Variants in WFDC9 observed in about 807,000 individuals in gnomAD.
The protein encoded by WFDC9 is protein WFDC9.
WFDC9 carries 9 observed loss-of-function variants against 9.5 expected under a neutral mutation model. That is an observed-to-expected ratio of 0.95 (90% CI 0.57 to 1.65). The LOEUF (loss-of-function observed/expected upper bound fraction) is 1.65, where lower values mean the gene tolerates loss of function less well. WFDC9 is among the 40% of genes most tolerant of loss of function. The pLI is 0.00. For missense variants in WFDC9, 87 were observed against 106.7 expected (o/e 0.82, Z 0.81); for synonymous variants, 33 against 32.3 (o/e 1.02, Z -0.07).
intron 1 of WFDC9, chr20:45,629,568 A>G (rs1007026590): frequency 3.2e-5 from 12 of 379,922 alleles, no homozygotes; most frequent in Non-Finnish European, 5.6e-5. Context: ...CGGCAAGAAC[A>G]CAAGACTGGT....
rs1981787172 is a variant in WFDC9, at chr20:45,608,751, C to T, written c.151G>A (p.Glu51Lys). The T allele has an allele frequency of 6.2e-7, 1 of 1,614,112 alleles. No individual in the cohort carries two copies. Among genetic ancestry groups the T allele is most frequent in the South Asian group, 1.1e-5 (1 of 91,082 alleles). The change falls in exon 4 of 5, where the codon GAG (glutamate) becomes AAG (lysine). Residue 51 changes from glutamate (E) to lysine (K), a missense_variant. Physicochemically the swap from Glu to Lys is moderately conservative, Grantham distance 56. Transcript: ENST00000326000. ...CWVQPPYKYC[E>K]KRCTKIMTCV... ...GTCATTATTTTAGTACACCTTTTCT[C>T]ACAGTACTTATATGGAGGCTGTACC...
At chr20:45,617,727 A>T (rs1411807576) in intron 1 of WFDC9, among the ~76,000 whole-genome samples, 2 of 152,050 alleles carry the variant, frequency 1.3e-5, no homozygotes, top group African/African-American at 4.8e-5. Flanking sequence ...GGCTCAAACA[A>T]TCTTCCCCCA....
At chr20:45,631,020 T>C in intron 1 of WFDC9, 183 bp downstream of exon 1, 1 of 1,594,262 alleles carries the variant, frequency 6.3e-7, no homozygotes, top group Non-Finnish European at 8.5e-7. Context: ...ATCCTGTGAG[T>C]GGGAGAGTGG....
intron 1 of WFDC9, among the ~76,000 whole-genome samples, chr20:45,619,201 G>A (rs570012524): frequency 6.6e-6 from 1 of 152,158 alleles, no homozygotes; most frequent in Non-Finnish European, 1.5e-5. Flanking sequence ...GATGTTCCAT[G>A]CATGACGATC....
chr20:45,610,004 C>G lies in WFDC9; in HGVS notation c.91+87G>C, dbSNP rs1981824508. 8.6e-6 allele frequency: 9 copies of G among 1,046,010 alleles called. No individual in the cohort carries two copies. In the East Asian group the frequency reaches 2.2e-4, roughly 25 times the overall value. The allele number at this position is 1,046,010 out of a possible 1,614,324, so 64.8% of individuals were successfully genotyped here. On this transcript the variant is annotated intron_variant, in intron 3 of 4. Coordinates refer to ENST00000326000, the MANE Select transcript of WFDC9 (RefSeq NM_147198.4). ...TACTTAAGGAGAGATCCTTTAAAGC[C>G]TGATTCTTGACATGCAGGCCCTGGA...
chr20:45,623,382 G>A (rs1027732698), intron 1 of WFDC9, among the ~76,000 whole-genome samples: 2 of 152,154 alleles, frequency 1.3e-5, no homozygotes, highest in Non-Finnish European at 2.9e-5. Flanking sequence ...GCTCATGCCT[G>A]TAATCCTAAC....
chr20:45,610,280 C>G, intron 2 of WFDC9, 41 bp from the exon 3 acceptor site: 1 of 1,016,388 alleles, frequency 9.8e-7, no homozygotes, highest in Non-Finnish European at 1.5e-6. Context: ...ACAGGGTAAG[C>G]AACAGGGGTA....
Position 45,608,013 on chromosome 20 carries a change from G to T in WFDC9, c.*97C>A. 1.4e-6 allele frequency: 2 copies of T among 1,384,870 alleles called. No individual in the cohort carries two copies. The highest frequency in any genetic ancestry group is 2.0e-6 in the Non-Finnish European group (2 of 980,600). The allele number at this position is 1,384,870 out of a possible 1,614,324, so 85.8% of individuals were successfully genotyped here. A position where few individuals can be genotyped will look rare whatever the true frequency, so the allele number is the denominator to read the frequency against. ...CAAGGAAATAGCAGAAAGGTTACCAGCTAGAGCCAGTGGGTGTCCCAAGAA... is the reference window on the plus strand; with the variant it reads ...CAAGGAAATAGCAGAAAGGTTACCATCTAGAGCCAGTGGGTGTCCCAAGAA... On this transcript the variant is annotated 3_prime_UTR_variant, in exon 5 of 5. Coordinates refer to ENST00000326000, the MANE Select transcript of WFDC9 (RefSeq NM_147198.4).
chr20:45,622,756 A>G (rs758319641), intron 1 of WFDC9, among the ~76,000 whole-genome samples: 18 of 152,004 alleles, frequency 1.2e-4, no homozygotes, highest in Non-Finnish European at 2.1e-4. Context: ...ATTTACATAT[A>G]TTAATTATGT....
chr20:45,619,503 C>T (rs1982045807), intron 1 of WFDC9, among the ~76,000 whole-genome samples: 1 of 152,034 alleles, frequency 6.6e-6, no homozygotes, highest in South Asian at 2.1e-4. Flanking sequence ...ACCAGGTCTG[C>T]CTTTCAAGAA....
intron 1 of WFDC9, chr20:45,629,558 C>T (rs890014325): frequency 1.4e-5 from 5 of 346,810 alleles, no homozygotes; most frequent in African/African-American, 8.4e-5. Context: ...TTCATTCTAT[C>T]GGCAAGAACA....
At chr20:45,631,125 A>G in intron 1 of WFDC9, 78 bp downstream of exon 1, 1 of 1,310,988 alleles carries the variant, frequency 7.6e-7, no homozygotes, top group Non-Finnish European at 1.0e-6. Context: ...AAGAACATCA[A>G]CAGGAATGCC....
intron 1 of WFDC9, among the ~76,000 whole-genome samples, chr20:45,618,406 A>T (rs1290170143): frequency 2.0e-5 from 3 of 152,184 alleles, no homozygotes; most frequent in Non-Finnish European, 4.4e-5. Flanking sequence ...CTTTGCATTC[A>T]CAACTTGGCT....
intron 2 of WFDC9, among the ~76,000 whole-genome samples, chr20:45,613,583 G>A (rs910351805): frequency 2.0e-5 from 3 of 152,194 alleles, no homozygotes; most frequent in African/African-American, 2.4e-5. Flanking sequence ...TCATGCTTAG[G>A]TAAGCTGGCA....
chr20:45,615,857 A>T (rs761831902), intron 1 of WFDC9, among the ~76,000 whole-genome samples: 5 of 152,220 alleles, frequency 3.3e-5, no homozygotes, highest in Non-Finnish European at 7.3e-5. Context: ...GTTCAATAGC[A>T]TTATGTATAA....
intron 1 of WFDC9, among the ~76,000 whole-genome samples, chr20:45,627,952 T>C (rs3092666): frequency 0.35 from 53,572 of 152,048 alleles, 9,538 homozygotes; most frequent in Middle Eastern, 0.44. Context: ...CTAGTTTTTC[T>C]ATGCAGACTT....
chr20:45,629,840 C>T, intron 1 of WFDC9: 2 of 1,614,006 alleles, frequency 1.2e-6, no homozygotes, highest in South Asian at 2.2e-5. Context: ...TGCTGCCTGT[C>T]CTGGTTCTCT....
At chr20:45,628,251 CATGTG>C (rs1300032790) in intron 1 of WFDC9, among the ~76,000 whole-genome samples, 1 of 151,888 alleles carries the variant, frequency 6.6e-6, no homozygotes, top group Non-Finnish European at 1.5e-5. Flanking sequence ...ATCCTTTTTT[CATGTG>C]ATAAAAGAAG....
In WFDC9 at chr20:45,618,070, T is replaced by C. The variant is rs185507450; in HGVS notation, c.-152-3349A>G. On this transcript the variant is annotated intron_variant, in intron 1 of 4. Transcript: ENST00000326000. Reference sequence around the variant, plus strand: ...TCTTAGCTAGATCTTCTGGATAACTTGCTGTGTAGCTTCTCCATCAGCACT... The same window carrying C: ...TCTTAGCTAGATCTTCTGGATAACTCGCTGTGTAGCTTCTCCATCAGCACT... Among the ~76,000 whole-genome samples the C allele has an allele frequency of 3.9e-3, 598 of 152,370 alleles. 1 individual carries two copies. Among genetic ancestry groups the C allele is most frequent in the Non-Finnish European group, 6.6e-3 (448 of 68,028 alleles).
Sources: gnomAD v4.1 joint callset for allele counts (sites outside exome capture counted in the v4.1 genomes callset) on GRCh38, gnomAD v4.1.1 for gene constraint, MANE v1.5 for transcripts, NCBI Gene and HGNC (gene_info 2026-07-23, HGNC 2026-07-21) for gene names.